Variants in FBXO42 observed in about 807,000 individuals in gnomAD.
FBXO42 encodes the protein F-box protein 42, also known as F-box only protein 42.
A neutral mutation model predicts 71.7 loss-of-function variants in FBXO42; 12 were observed. That is an observed-to-expected ratio of 0.17 (90% CI 0.11 to 0.27). FBXO42 has a LOEUF of 0.27. Among genes scored for constraint, FBXO42 ranks in the 10% least tolerant of loss-of-function variants. The pLI is 1.00. For missense variants in FBXO42, 707 were observed against 911.9 expected, an observed-to-expected ratio of 0.78 and a Z score of 2.89; for synonymous variants, 325 against 327.5, an observed-to-expected ratio of 0.99 and a Z score of 0.08.
At chr1:16,286,559 C>T (rs996056378) in intron 4 of FBXO42, among the ~76,000 whole-genome samples, 1 of 152,170 alleles carries the variant, frequency 6.6e-6, no homozygotes, top group African/African-American at 2.4e-5. Flanking sequence ...ATGAGGATTA[C>T]AATTTGAGGT....
chr1:16,293,585 A>G (rs1350059630), intron 4 of FBXO42: 2 of 152,094 alleles, frequency 1.3e-5, no homozygotes, highest in African/African-American at 4.8e-5. Flanking sequence ...TAATTTTAAT[A>G]AAGAACTTCA....
At chr1:16,299,073 T>C (rs553390030) in intron 3 of FBXO42, among the ~76,000 whole-genome samples, 16 of 151,308 alleles carry the variant, frequency 1.1e-4, no homozygotes, top group African/African-American at 3.9e-4. Context: ...AGTGAAATGG[T>C]ACAATCTTGG....
At chr1:16,279,576 T>C (rs1193935410) in intron 4 of FBXO42, among the ~76,000 whole-genome samples, 1 of 152,242 alleles carries the variant, frequency 6.6e-6, no homozygotes, top group Non-Finnish European at 1.5e-5. Context: ...TCAAATGATA[T>C]ACCCTCTTCT....
chr1:16,324,619 AC>A (rs2082435777), intron 1 of FBXO42, among the ~76,000 whole-genome samples: 1 of 152,176 alleles, frequency 6.6e-6, no homozygotes, highest in Non-Finnish European at 1.5e-5. Flanking sequence ...GGAATTTGAG[AC>A]CAGCCTGGGC....
chr1:16,319,541 G>C (rs2082395949), intron 1 of FBXO42, among the ~76,000 whole-genome samples: 1 of 152,196 alleles, frequency 6.6e-6, no homozygotes, highest in Non-Finnish European at 1.5e-5. Flanking sequence ...GGCACTGACA[G>C]TGAGAAAGGA....
intron 4 of FBXO42, among the ~76,000 whole-genome samples, chr1:16,272,447 C>T (rs1484627013): frequency 1.3e-5 from 2 of 152,102 alleles, no homozygotes; most frequent in South Asian, 2.1e-4. Flanking sequence ...TAAGTAGAGA[C>T]CGGGTTTCAC....
chr1:16,266,348 A>G (rs2081773182), intron 4 of FBXO42, among the ~76,000 whole-genome samples: 1 of 152,128 alleles, frequency 6.6e-6, no homozygotes, highest in Non-Finnish European at 1.5e-5. Context: ...AGCTAGGCAC[A>G]GTGGCATGTA....
chr1:16,268,990 C>T (rs2081808478), intron 4 of FBXO42, among the ~76,000 whole-genome samples: 1 of 151,506 alleles, frequency 6.6e-6, no homozygotes, highest in African/African-American at 2.4e-5. Context: ...TGTATTTTAG[C>T]AGAGATGGGA....
intron 2 of FBXO42, 86 bp downstream of exon 2, chr1:16,315,083 G>T: frequency 7.1e-7 from 1 of 1,413,880 alleles, no homozygotes; most frequent in Non-Finnish European, 9.6e-7. Context: ...ATACATTTAA[G>T]GGAGGAAAAA....
At chr1:16,266,532 T>C (rs963942893) in intron 4 of FBXO42, among the ~76,000 whole-genome samples, 4 of 152,190 alleles carry the variant, frequency 2.6e-5, no homozygotes, top group Admixed American at 2.6e-4. Flanking sequence ...ATACCAGTCC[T>C]TCACACACAA....
chr1:16,320,006 C>T (rs188717276), intron 1 of FBXO42, among the ~76,000 whole-genome samples: 243 of 152,090 alleles, frequency 1.6e-3, no homozygotes, highest in African/African-American at 5.5e-3. Context: ...ATGACTGACT[C>T]GCTAGAGGGA....
intron 1 of FBXO42, among the ~76,000 whole-genome samples, chr1:16,350,063 C>T (rs2082685197): frequency 6.6e-6 from 1 of 152,000 alleles, no homozygotes; most frequent in South Asian, 2.1e-4. Context: ...GGGTTTAAAC[C>T]ACATAAAGCT....
chr1:16,288,087 C>T (rs961043313), intron 4 of FBXO42, among the ~76,000 whole-genome samples: 1 of 151,718 alleles, frequency 6.6e-6, no homozygotes, highest in African/African-American at 2.4e-5. Context: ...TGGAGTGAGC[C>T]GAGATCATGC....
At chr1:16,265,296 G>T (rs2081758916) in intron 4 of FBXO42, among the ~76,000 whole-genome samples, 1 of 152,030 alleles carries the variant, frequency 6.6e-6, no homozygotes, top group Non-Finnish European at 1.5e-5. Flanking sequence ...TCTCCATGTT[G>T]GTCAGGCTGG....
chr1:16,269,701 T>G (rs1414872894), intron 4 of FBXO42, among the ~76,000 whole-genome samples: 1 of 151,012 alleles, frequency 6.6e-6, no homozygotes, highest in Non-Finnish European at 1.5e-5. Flanking sequence ...AATTTTGTAT[T>G]TTTAGTGGAG....
chr1:16,308,494 CTTTT>C (rs71003268), intron 2 of FBXO42, among the ~76,000 whole-genome samples: 3 of 126,726 alleles, frequency 2.4e-5, no homozygotes, highest in Admixed American at 1.7e-4. Context: ...ACCCATCTCT[CTTTT>C]TTTTTTTTTT....
intron 4 of FBXO42, among the ~76,000 whole-genome samples, chr1:16,260,303 G>C (rs1423510252): frequency 6.6e-6 from 1 of 150,608 alleles, no homozygotes; most frequent in African/African-American, 2.4e-5. Flanking sequence ...CTGCCTCCCA[G>C]GTTCAAATTA....
At chr1:16,278,215 GT>G (rs2081925472) in intron 4 of FBXO42, among the ~76,000 whole-genome samples, 1 of 151,796 alleles carries the variant, frequency 6.6e-6, no homozygotes, top group African/African-American at 2.4e-5. Flanking sequence ...AATTAGCTGG[GT>G]ATGGTGGCAC....
At chr1:16,275,962 C>T (rs1401025231) in intron 4 of FBXO42, among the ~76,000 whole-genome samples, 1 of 151,590 alleles carries the variant, frequency 6.6e-6, no homozygotes, top group Non-Finnish European at 1.5e-5. Flanking sequence ...GACCCCGTCT[C>T]AAAATAAATA....
Sources: gnomAD v4.1 joint callset for allele counts (sites outside exome capture counted in the v4.1 genomes callset) on GRCh38, gnomAD v4.1.1 for gene constraint, MANE v1.5 for transcripts, NCBI Gene and HGNC (gene_info 2026-07-23, HGNC 2026-07-21) for gene names.